The following BNC2 variants were observed in gnomAD, a reference collection of about 807,000 sequenced individuals.
BNC2 encodes the protein basonuclin zinc finger protein 2.
Under a neutral mutation model 76.3 loss-of-function variants are expected in BNC2, and 20 were observed. That is an observed-to-expected ratio of 0.26 (90% CI 0.18 to 0.38). The LOEUF is 0.38. BNC2 is among the 10% of genes least tolerant of loss of function. The pLI is 1.00. For missense variants in BNC2, 1,382 were observed against 1,399.8 expected, an observed-to-expected ratio of 0.99 and a Z score of 0.20; for synonymous variants, 582 against 514.8, an observed-to-expected ratio of 1.13 and a Z score of -1.77.
At chr9:16,870,243 C>A (rs1819646107) in intron 1 of BNC2, among the ~76,000 whole-genome samples, 1 of 152,136 alleles carries the variant, frequency 6.6e-6, no homozygotes, top group Non-Finnish European at 1.5e-5. Flanking sequence ...TTCCTCTCTT[C>A]CCCGAGCTCC....
chr9:16,531,807 C>T (rs192783898), intron 5 of BNC2, among the ~76,000 whole-genome samples: 13 of 152,014 alleles, frequency 8.6e-5, no homozygotes, highest in African/African-American at 2.4e-4. Context: ...CTGTATTCCC[C>T]CAAAGAAATC....
intron 6 of BNC2, among the ~76,000 whole-genome samples, chr9:16,427,424 A>C (rs950982262): frequency 6.6e-6 from 1 of 152,214 alleles, no homozygotes; most frequent in Non-Finnish European, 1.5e-5. Context: ...CGTCCACAAT[A>C]AACAGGATAC....
chr9:16,734,019 A>G (rs1054727281), intron 2 of BNC2, among the ~76,000 whole-genome samples: 1 of 152,246 alleles, frequency 6.6e-6, no homozygotes, highest in East Asian at 1.9e-4. Context: ...CCACAGCAGT[A>G]AAGTCTGATA....
intron 6 of BNC2, among the ~76,000 whole-genome samples, chr9:16,424,617 G>C (rs754201554): frequency 1.3e-5 from 2 of 152,218 alleles, no homozygotes; most frequent in South Asian, 4.2e-4. Flanking sequence ...ATGCCTATTT[G>C]TCTGTATGTA....
At chr9:16,562,485 T>C (rs1007951829) in intron 4 of BNC2, among the ~76,000 whole-genome samples, 2 of 152,214 alleles carry the variant, frequency 1.3e-5, no homozygotes, top group South Asian at 2.1e-4. Flanking sequence ...TTTCAGAAAC[T>C]ATGTTTATCA....
chr9:16,779,301 CAAAAAA>C (rs71327858), intron 1 of BNC2, among the ~76,000 whole-genome samples: 2 of 105,254 alleles, frequency 1.9e-5, no homozygotes, highest in Admixed American at 9.3e-5. Flanking sequence ...GACCCTCTCT[CAAAAAA>C]AAAAAAAAAA....
intron 3 of BNC2, among the ~76,000 whole-genome samples, chr9:16,668,445 T>A (rs1350252918): frequency 1.3e-5 from 2 of 152,216 alleles, no homozygotes; most frequent in Non-Finnish European, 2.9e-5. Context: ...TCCGATATGA[T>A]CTCAGGGTAT....
chr9:16,535,145 AG>A (rs1818090337), intron 5 of BNC2, among the ~76,000 whole-genome samples: 1 of 152,242 alleles, frequency 6.6e-6, no homozygotes, highest in African/African-American at 2.4e-5. Context: ...AAATGAAACT[AG>A]GAAATCCAAA....
intron 3 of BNC2, among the ~76,000 whole-genome samples, chr9:16,584,494 T>A (rs1819716524): frequency 6.6e-6 from 1 of 152,124 alleles, no homozygotes; most frequent in Admixed American, 6.5e-5. Context: ...GATGTTGGAG[T>A]CCTCACTGTA....
chr9:16,773,489 G>A (rs189390071), intron 1 of BNC2, among the ~76,000 whole-genome samples: 48 of 139,410 alleles, frequency 3.4e-4, no homozygotes, highest in Middle Eastern at 3.8e-3. Context: ...GACAAGAAAA[G>A]AGGACTACAC....
chr9:16,553,235 T>C (rs1049637631), intron 4 of BNC2, among the ~76,000 whole-genome samples: 10 of 152,176 alleles, frequency 6.6e-5, no homozygotes, highest in African/African-American at 2.2e-4. Context: ...CCCCTTATAA[T>C]ACCTGAATGG....
chr9:16,500,223 AAACTC>A (rs1212480545), intron 5 of BNC2, among the ~76,000 whole-genome samples: 4 of 151,966 alleles, frequency 2.6e-5, no homozygotes, highest in African/African-American at 9.7e-5. Flanking sequence ...CCCATCCACC[AAACTC>A]AACTCAAGTC....
intron 4 of BNC2, among the ~76,000 whole-genome samples, chr9:16,573,840 C>T (rs1563845886): frequency 1.3e-5 from 2 of 152,110 alleles, no homozygotes; most frequent in Admixed American, 1.3e-4. Flanking sequence ...ATTCAAGAAC[C>T]TTTTGAAGAT....
chr9:16,787,705 G>C lies in BNC2; in HGVS notation c.4-49220C>G, dbSNP rs149433957. On this transcript the variant is annotated intron_variant, in intron 1 of 6. Transcript: ENST00000380672. Reference sequence around the variant, plus strand: ...ACAGTGCTTCCCCTCCTAGGCAAAAGGTAGATAATATTTTCTTTCTTCTTT... The same window carrying C: ...ACAGTGCTTCCCCTCCTAGGCAAAACGTAGATAATATTTTCTTTCTTCTTT... 3.3e-3 allele frequency among the ~76,000 whole-genome samples: 506 copies of C among 152,218 alleles called. 3 individuals are homozygous for C. The highest frequency in any genetic ancestry group is 0.012 in the African/African-American group (485 of 41,518).
chr9:16,662,101 T>C (rs1822126457), intron 3 of BNC2, among the ~76,000 whole-genome samples: 1 of 152,164 alleles, frequency 6.6e-6, no homozygotes, highest in African/African-American at 2.4e-5. Flanking sequence ...AGGAAATTTC[T>C]ACTCAAGCTG....
chr9:16,783,009 G>A (rs190441766), intron 1 of BNC2, among the ~76,000 whole-genome samples: 24 of 152,266 alleles, frequency 1.6e-4, no homozygotes, highest in Admixed American at 1.4e-3. Context: ...AGTACTTTAA[G>A]CAAAAGACAG....
At chr9:16,540,787 A>G (rs1272530346) in intron 5 of BNC2, among the ~76,000 whole-genome samples, 3 of 152,204 alleles carry the variant, frequency 2.0e-5, no homozygotes, top group Non-Finnish European at 4.4e-5. Flanking sequence ...TTCACACTTC[A>G]TGGTTTTTCC....
intron 3 of BNC2, among the ~76,000 whole-genome samples, chr9:16,667,091 A>G (rs1822318231): frequency 6.6e-6 from 1 of 151,582 alleles, no homozygotes; most frequent in Non-Finnish European, 1.5e-5. Flanking sequence ...ACACACACAC[A>G]CACACACACA....
At chr9:16,425,321 T>G (rs1820783693) in intron 6 of BNC2, among the ~76,000 whole-genome samples, 1 of 152,138 alleles carries the variant, frequency 6.6e-6, no homozygotes, top group Admixed American at 6.5e-5. Flanking sequence ...TAGGATGTAT[T>G]GGGGTCGACC....
Sources: gnomAD v4.1 joint callset for allele counts (sites outside exome capture counted in the v4.1 genomes callset) on GRCh38, gnomAD v4.1.1 for gene constraint, MANE v1.5 for transcripts, NCBI Gene and HGNC (gene_info 2026-07-23, HGNC 2026-07-21) for gene names.